Variants in MYH10 observed in about 807,000 individuals in gnomAD.
MYH10 encodes myosin heavy chain 10.
MYH10 carries 55 observed loss-of-function variants against 257.8 expected under a neutral mutation model. That is an observed-to-expected ratio of 0.21 (90% CI 0.17 to 0.27). The LOEUF is 0.27. Among genes scored for constraint, MYH10 ranks in the 10% least tolerant of loss-of-function variants. The pLI is 1.00. For missense variants in MYH10, 1,631 were observed against 2,500.6 expected (o/e 0.65, Z 7.42); for synonymous variants, 854 against 921.7 (o/e 0.93, Z 1.33).
At position 8,518,920 on chromosome 17, in the gene MYH10, A is replaced by G. The variant is rs1308001672; in HGVS notation, c.2304T>C (p.Pro768=). The G allele has an allele frequency of 3.7e-6, 6 of 1,608,706 alleles. No individual in the cohort carries two copies. The Admixed American group carries it at 8.4e-5, about 23-fold the overall frequency. Reference sequence around the variant, plus strand: ...CCTGTTTACCATCCATAAAACCTTTAGGAATAGCATTTGGAGTTAGGATCT... The same window carrying G: ...CCTGTTTACCATCCATAAAACCTTTGGGAATAGCATTTGGAGTTAGGATCT... ...RYEILTPNAI[P]KGFMDGKQAC... The change falls in exon 20 of 43, where the codon CCT becomes CCC. Residue 768 remains proline (P), a synonymous_variant. Transcript: ENST00000360416.
chr17:8,569,692 T>C lies in MYH10; in HGVS notation c.756+28A>G, dbSNP rs186404010. 2.1e-3 allele frequency: 3,201 copies of C among 1,498,446 alleles called. 6 individuals carry two copies. The highest frequency in any genetic ancestry group is 2.7e-3 in the Non-Finnish European group (2,916 of 1,090,152). The allele number at this position is 1,498,446 out of a possible 1,614,324, so 92.8% of individuals were successfully genotyped here. On this transcript the variant is annotated intron_variant, in intron 7 of 42. Transcript: ENST00000360416. This position sits in a 1 kb window ranked among gnomAD's most constrained non-coding sequence, Gnocchi z 4.1. ...ACATTTAACTAGAAATCTAAGGAAT[T>C]AAAAGCTTCTGGTGCTTTGAAACTT...
chr17:8,615,099 G>C (rs1433704832), intron 2 of MYH10, among the ~76,000 whole-genome samples: 1 of 152,134 alleles, frequency 6.6e-6, no homozygotes, highest in African/African-American at 2.4e-5. Context: ...TTTGAGACAA[G>C]ACTGGCCAAC....
chr17:8,629,852 G>A (rs1376733632), intron 1 of MYH10, among the ~76,000 whole-genome samples: 1 of 151,690 alleles, frequency 6.6e-6, no homozygotes, highest in Non-Finnish European at 1.5e-5. Flanking sequence ...GCGCTCCACG[G>A]AGGGCGCGGC....
At chr17:8,561,381 G>A in intron 7 of MYH10, 1 of 1,123,830 alleles carries the variant, frequency 8.9e-7, no homozygotes, top group East Asian at 2.3e-5. Flanking sequence ...GCAGCAGTCA[G>A]GGGCATTCTG....
At chr17:8,511,799 T>C (rs576008401) in intron 24 of MYH10, among the ~76,000 whole-genome samples, 3 of 152,340 alleles carry the variant, frequency 2.0e-5, no homozygotes, top group African/African-American at 7.2e-5. Flanking sequence ...TTCCATTTCA[T>C]GTGTGCCTCC....
At chr17:8,615,472 C>T (rs937777254) in intron 2 of MYH10, among the ~76,000 whole-genome samples, 7 of 152,116 alleles carry the variant, frequency 4.6e-5, no homozygotes, top group African/African-American at 1.4e-4. Flanking sequence ...TTGATAGCAA[C>T]ATATGACAAA....
At position 8,582,260 on chromosome 17, in the gene MYH10, G is replaced by C. The variant is rs181379673; in HGVS notation, c.531-4922C>G. Reference sequence around the variant, plus strand: ...AGCTTGAACAAAAGCAGAGGGAAGAGAGCCAAAAAGAAAGCTCAGCAGACT... The same window carrying C: ...AGCTTGAACAAAAGCAGAGGGAAGACAGCCAAAAAGAAAGCTCAGCAGACT... On this transcript the variant is annotated intron_variant, in intron 4 of 42. Transcript: ENST00000360416. 3.3e-3 allele frequency among the ~76,000 whole-genome samples: 505 copies of C among 152,218 alleles called. 3 individuals are homozygous for C. The highest frequency in any genetic ancestry group is 0.012 in the African/African-American group (481 of 41,530).
At chr17:8,561,643 TA>T (rs35474546) in intron 7 of MYH10, 231,883 of 547,190 alleles carry the variant, frequency 0.42, 20,408 homozygotes, top group Admixed American at 0.48. Context: ...AAATTGTACT[TA>T]AAAAAAAAAA....
intron 31 of MYH10, among the ~76,000 whole-genome samples, chr17:8,494,670 C>T (rs1376828591): frequency 6.6e-6 from 1 of 152,180 alleles, no homozygotes; most frequent in Non-Finnish European, 1.5e-5. Flanking sequence ...TTCAAGTAAC[C>T]TGTAGCTGAC....
intron 7 of MYH10, among the ~76,000 whole-genome samples, chr17:8,566,916 C>T (rs2083182994): frequency 6.6e-6 from 1 of 152,088 alleles, no homozygotes; most frequent in Non-Finnish European, 1.5e-5. Flanking sequence ...TTATCTTTTC[C>T]AGGAAAAAGC....
At chr17:8,567,588 ATTAGGGTGCAC>A (rs1191866140) in intron 7 of MYH10, among the ~76,000 whole-genome samples, 2 of 152,160 alleles carry the variant, frequency 1.3e-5, no homozygotes, top group Non-Finnish European at 2.9e-5. Flanking sequence ...AAAAAGGGTC[ATTAGGGTGCAC>A]CCTACTTCAA....
intron 2 of MYH10, among the ~76,000 whole-genome samples, chr17:8,621,823 T>C (rs1347003839): frequency 6.6e-6 from 1 of 152,168 alleles, no homozygotes; most frequent in Non-Finnish European, 1.5e-5. Context: ...AAATGCTACC[T>C]TCACAAACAG....
chr17:8,505,795 A>G (rs1470242547), intron 27 of MYH10: 1 of 152,304 alleles, frequency 6.6e-6, no homozygotes, highest in Non-Finnish European at 1.5e-5. Flanking sequence ...AGCCTGACCA[A>G]CATGGTGGAA....
At position 8,545,247 on chromosome 17, in the gene MYH10, G is replaced by A. The variant is rs979187337; in HGVS notation, c.1431+201C>T. ...ACAGCTATCTCAAGCTGGCCTCCCAGTTCTATCACAGCACCCTTTCAGTGC... is the reference window on the plus strand; with the variant it reads ...ACAGCTATCTCAAGCTGGCCTCCCAATTCTATCACAGCACCCTTTCAGTGC... On this transcript the variant is annotated intron_variant, in intron 13 of 42. Coordinates refer to ENST00000360416, the MANE Select transcript of MYH10 (RefSeq NM_001256012.3). The surrounding 1 kb of genome is among the most constrained non-coding windows in gnomAD (Gnocchi z 4.7). 6.6e-6 allele frequency among the ~76,000 whole-genome samples: 1 copy of A among 152,200 alleles called. No homozygotes were observed. The highest frequency in any genetic ancestry group is 1.5e-5 in the Non-Finnish European group (1 of 68,048).
chr17:8,606,500 TA>T (rs2084813972), intron 2 of MYH10, among the ~76,000 whole-genome samples: 1 of 152,158 alleles, frequency 6.6e-6, no homozygotes, highest in African/African-American at 2.4e-5. Flanking sequence ...CAGGGAACAC[TA>T]AGGGGGATTC....
intron 6 of MYH10, among the ~76,000 whole-genome samples, chr17:8,574,345 A>G (rs1257762920): frequency 1.3e-5 from 2 of 152,244 alleles, no homozygotes; most frequent in Non-Finnish European, 2.9e-5. Context: ...ACATAGAGAC[A>G]GAAAGTAGAT....
At chr17:8,593,425 AAAACAAACAAAC>A (rs71361808) in intron 3 of MYH10, among the ~76,000 whole-genome samples, 1 of 150,848 alleles carries the variant, frequency 6.6e-6, no homozygotes. Flanking sequence ...ACAATACACA[AAAACAAACAAAC>A]AAACAAACAA....
intron 7 of MYH10, among the ~76,000 whole-genome samples, chr17:8,564,967 A>G (rs1262055850): frequency 6.6e-6 from 1 of 152,218 alleles, no homozygotes; most frequent in East Asian, 1.9e-4. Context: ...TAGATGTTTA[A>G]CCAACAGGAT....
At chr17:8,533,226 C>T (rs1254025405) in intron 16 of MYH10, among the ~76,000 whole-genome samples, 1 of 152,146 alleles carries the variant, frequency 6.6e-6, no homozygotes, top group African/African-American at 2.4e-5. Flanking sequence ...GGGTCACTAC[C>T]CAAGGTCACA....
Sources: gnomAD v4.1 joint callset for allele counts (sites outside exome capture counted in the v4.1 genomes callset) on GRCh38, gnomAD v4.1.1 for gene constraint, Gnocchi (gnomAD v3.1) non-coding constraint, MANE v1.5 for transcripts, NCBI Gene and HGNC (gene_info 2026-07-23, HGNC 2026-07-21) for gene names.